The following LRRC4C variants were observed in gnomAD, a reference collection of about 807,000 sequenced individuals.
LRRC4C encodes the protein leucine rich repeat containing 4C.
Under a neutral mutation model 33.6 loss-of-function variants are expected in LRRC4C, and 5 were observed. The ratio of observed to expected loss-of-function variants is 0.15; its 90% CI spans 0.08 to 0.31. The LOEUF (loss-of-function observed/expected upper bound fraction) is 0.31, where lower values mean the gene tolerates loss of function less well. Ranked by LOEUF, LRRC4C falls within the 10% of genes least tolerant of loss-of-function variation. LRRC4C has a pLI of 1.00. For missense variants in LRRC4C, 560 were observed against 796.7 expected (o/e 0.70, Z 3.58); for synonymous variants, 329 against 302.0 (o/e 1.09, Z -0.93).
At chr11:40,569,436 G>T (rs1266230089) in intron 3 of LRRC4C, among the ~76,000 whole-genome samples, 1 of 152,154 alleles carries the variant, frequency 6.6e-6, no homozygotes, top group Non-Finnish European at 1.5e-5. Context: ...TACTACAACA[G>T]ATTGAAAGCT....
chr11:40,219,451 G>T (rs1349763504), intron 5 of LRRC4C, among the ~76,000 whole-genome samples: 8 of 152,106 alleles, frequency 5.3e-5, no homozygotes, highest in Non-Finnish European at 1.0e-4. Context: ...TTTGTTTGCT[G>T]CTTTATCCCG....
Position 40,335,709 on chromosome 11 carries a change from G to A in LRRC4C, c.-269-15988C>T, listed in dbSNP as rs370536971. Among the ~76,000 whole-genome samples the A allele has an allele frequency of 7.7e-4, 117 of 152,272 alleles. 1 individual carries two copies. In the South Asian group the frequency reaches 0.022, roughly 28 times the overall value. On this transcript the variant is annotated intron_variant, in intron 3 of 6. Coordinates refer to ENST00000528697, the MANE Select transcript of LRRC4C (RefSeq NM_001258419.2). The stretch of plus-strand genomic sequence containing the variant: ...ATGGAAGACTTCACTTTTTATAAGG[G>A]TGCCTATCTCGAAGAGAATGGATTC...
chr11:40,411,560 A>G (rs915623886), intron 3 of LRRC4C, among the ~76,000 whole-genome samples: 12 of 152,044 alleles, frequency 7.9e-5, no homozygotes, highest in Admixed American at 2.0e-4. Context: ...TCTACATCAG[A>G]TCCAGAGTGC....
intron 3 of LRRC4C, among the ~76,000 whole-genome samples, chr11:40,553,637 A>C (rs1213386493): frequency 1.3e-5 from 2 of 152,192 alleles, no homozygotes; most frequent in Non-Finnish European, 2.9e-5. Flanking sequence ...GTGAGATGGT[A>C]TGTCACAGAG....
At chr11:40,571,783 C>T (rs1194522935) in intron 3 of LRRC4C, among the ~76,000 whole-genome samples, 1 of 152,156 alleles carries the variant, frequency 6.6e-6, no homozygotes, top group Non-Finnish European at 1.5e-5. Flanking sequence ...GTTTTATTGG[C>T]AACTTTTCCT....
At chr11:41,324,421 A>T (rs1438083297) in intron 1 of LRRC4C, among the ~76,000 whole-genome samples, 1 of 152,082 alleles carries the variant, frequency 6.6e-6, no homozygotes, top group Non-Finnish European at 1.5e-5. Context: ...CAAGAGTGAA[A>T]CTCCCTCTCA....
intron 1 of LRRC4C, among the ~76,000 whole-genome samples, chr11:41,425,263 C>T (rs1480180111): frequency 6.6e-6 from 1 of 152,000 alleles, no homozygotes; most frequent in Non-Finnish European, 1.5e-5. Flanking sequence ...GCACCCGAAC[C>T]TGAGAAAGCA....
chr11:41,188,876 T>G (rs1032682812), intron 1 of LRRC4C, among the ~76,000 whole-genome samples: 112 of 150,120 alleles, frequency 7.5e-4, no homozygotes, highest in African/African-American at 2.6e-3. Flanking sequence ...TAAAGAAAAC[T>G]ACTTTTTAGC....
chr11:41,428,783 A>G (rs781404344), intron 1 of LRRC4C, among the ~76,000 whole-genome samples: 7 of 152,130 alleles, frequency 4.6e-5, no homozygotes, highest in Non-Finnish European at 1.0e-4. Context: ...TTAACCAGAT[A>G]TTGATCTTGA....
At chr11:41,232,309 C>T (rs892371605) in intron 1 of LRRC4C, among the ~76,000 whole-genome samples, 1 of 152,050 alleles carries the variant, frequency 6.6e-6, no homozygotes, top group Non-Finnish European at 1.5e-5. Flanking sequence ...CTTTGATATA[C>T]TGGACTAGAT....
intron 2 of LRRC4C, among the ~76,000 whole-genome samples, chr11:40,770,682 G>A (rs997301345): frequency 2.6e-5 from 4 of 152,154 alleles, no homozygotes; most frequent in African/African-American, 9.7e-5. Flanking sequence ...GATATAATGA[G>A]GGTATAGGTA....
chr11:41,385,659 A>C (rs75560096), intron 1 of LRRC4C, among the ~76,000 whole-genome samples: 3,087 of 151,746 alleles, frequency 0.02, 107 homozygotes, highest in African/African-American at 0.069. Context: ...ATGAGCAGAA[A>C]ATTTTAAAAA....
intron 4 of LRRC4C, among the ~76,000 whole-genome samples, chr11:40,245,005 A>C (rs1866218087): frequency 6.6e-6 from 1 of 152,192 alleles, no homozygotes; most frequent in African/African-American, 2.4e-5. Flanking sequence ...TAGGCTCCTA[A>C]AGAATTATTC....
intron 1 of LRRC4C, among the ~76,000 whole-genome samples, chr11:41,329,590 T>C (rs938261291): frequency 6.6e-6 from 1 of 152,238 alleles, no homozygotes; most frequent in Non-Finnish European, 1.5e-5. Flanking sequence ...TTTATATTCA[T>C]GATTACTGCC....
intron 2 of LRRC4C, among the ~76,000 whole-genome samples, chr11:40,814,146 C>G (rs554551375): frequency 3.3e-5 from 5 of 152,228 alleles, no homozygotes; most frequent in Non-Finnish European, 7.3e-5. Context: ...CCTGACCTAT[C>G]AGAGGTTCTC....
chr11:40,787,544 T>C (rs1371030758), intron 2 of LRRC4C, among the ~76,000 whole-genome samples: 2 of 152,196 alleles, frequency 1.3e-5, no homozygotes, highest in African/African-American at 2.4e-5. Flanking sequence ...ATCTTTGAAA[T>C]GCTAATGGCA....
At chr11:40,651,539 A>G (rs1942801021) in intron 2 of LRRC4C, among the ~76,000 whole-genome samples, 1 of 152,194 alleles carries the variant, frequency 6.6e-6, no homozygotes, top group Admixed American at 6.5e-5. Context: ...GTATCCATCT[A>G]TTGGAGATCC....
intron 1 of LRRC4C, among the ~76,000 whole-genome samples, chr11:40,949,288 G>A (rs1288660430): frequency 6.6e-6 from 1 of 152,066 alleles, no homozygotes; most frequent in Non-Finnish European, 1.5e-5. Context: ...AGATAAGTAG[G>A]TTGCTAAAAT....
chr11:40,669,046 G>C (rs1295546628), intron 2 of LRRC4C, among the ~76,000 whole-genome samples: 1 of 152,138 alleles, frequency 6.6e-6, no homozygotes, highest in South Asian at 2.1e-4. Context: ...ATCTTAAATA[G>C]GTTTTCTATT....
Sources: gnomAD v4.1 joint callset for allele counts (sites outside exome capture counted in the v4.1 genomes callset) on GRCh38, gnomAD v4.1.1 for gene constraint, MANE v1.5 for transcripts, NCBI Gene and HGNC (gene_info 2026-07-23, HGNC 2026-07-21) for gene names.